PARP12: variants seen among roughly 807,000 people sequenced by gnomAD.
PARP12 encodes the protein protein mono-ADP-ribosyltransferase PARP12.
Under a neutral mutation model 72.4 loss-of-function variants are expected in PARP12, and 59 were observed. The ratio of observed to expected loss-of-function variants is 0.81; its 90% CI spans 0.66 to 1.01. The LOEUF is 1.01. Among genes scored for constraint, PARP12 ranks in the 50% least tolerant of loss-of-function variants. PARP12 has a pLI of 0.00. For missense variants in PARP12, 851 were observed against 914.0 expected, an observed-to-expected ratio of 0.93 and a Z score of 0.89; for synonymous variants, 403 against 371.4, an observed-to-expected ratio of 1.09 and a Z score of -0.98.
At chr7:140,027,247 C>T in intron 10 of PARP12, 29 bp downstream of exon 10, 1 of 1,606,532 alleles carries the variant, frequency 6.2e-7, no homozygotes. Context: ...ACAGAGTCAC[C>T]AGCCCACCAA....
chr7:140,040,253 C>T (rs765896944), intron 6 of PARP12, among the ~76,000 whole-genome samples: 4 of 152,300 alleles, frequency 2.6e-5, no homozygotes, highest in Non-Finnish European at 4.4e-5. Context: ...CTTCCCCTCA[C>T]GCTCCTGACC....
At chr7:140,046,543 T>C (rs1172606131) in intron 5 of PARP12, among the ~76,000 whole-genome samples, 1 of 152,242 alleles carries the variant, frequency 6.6e-6, no homozygotes, top group East Asian at 1.9e-4. Context: ...ATGTACATGA[T>C]CAATCCCAGC....
intron 6 of PARP12, among the ~76,000 whole-genome samples, chr7:140,039,873 CCAGA>C (rs1816384994): frequency 1.3e-5 from 2 of 151,012 alleles, no homozygotes; most frequent in South Asian, 4.2e-4. Context: ...CGGTTCATCC[CCAGA>C]CATTCTCAAA....
At chr7:140,049,963 T>C (rs1362483161) in intron 4 of PARP12, among the ~76,000 whole-genome samples, 1 of 152,052 alleles carries the variant, frequency 6.6e-6, no homozygotes, top group African/African-American at 2.4e-5. Flanking sequence ...AGAAATCAAA[T>C]CAATTTGGCA....
intron 9 of PARP12, 73 bp downstream of exon 9, chr7:140,028,540 G>A: frequency 7.6e-7 from 1 of 1,314,962 alleles, no homozygotes. Flanking sequence ...TTGAGGAATG[G>A]CACAGTCTGT....
chr7:140,059,433 T>G (rs1817352280), intron 1 of PARP12, among the ~76,000 whole-genome samples: 1 of 151,590 alleles, frequency 6.6e-6, no homozygotes. Flanking sequence ...CCTCCATTCT[T>G]TCCATCCACA....
At chr7:140,058,921 A>C (rs10155912) in intron 1 of PARP12, among the ~76,000 whole-genome samples, 72,444 of 151,556 alleles carry the variant, frequency 0.48, 19,579 homozygotes, top group African/African-American at 0.73. Flanking sequence ...CATGAAGAAA[A>C]CCTGTATCTA....
At position 140,041,833 on chromosome 7, in the gene PARP12, C is replaced by T. The variant is rs768256024; in HGVS notation, c.993G>A (p.Leu331=). Residue 331 remains leucine, a synonymous_variant, in exon 6 of 12, where the codon CTG becomes CTA. Transcript: ENST00000263549. ...AYCNPKIERI[L]CSESASTFHS... ...GAAAGGTACTGGCTGACTCAGAGCA[C>T]AGGATCCTACAGAAGAAAAACAGCA... 6 of 1,610,196 alleles carry T rather than the reference C, an allele frequency of 3.7e-6. No individual in the cohort carries two copies. In the Admixed American group the frequency reaches 8.4e-5, roughly 23 times the overall value.
chr7:140,057,152 A>C lies in PARP12; in HGVS notation c.464T>G (p.Ile155Ser), dbSNP rs751808315. ...ATCTCCTTTGTTGTAATGTTGGCAA[A>C]TCTGTTGACAGAGAGGGAAAAAACC... Reference protein sequence around the residue: ...FQNDPWLLPEICQHYNKGDGP... With the variant: ...FQNDPWLLPESCQHYNKGDGP... The change falls in exon 3 of 12, where the codon ATT (isoleucine) becomes AGT (serine). Residue 155 changes from isoleucine (I) to serine (S), a missense_variant and splice_region_variant. Transcript: ENST00000263549. 5.6e-6 allele frequency: 9 copies of C among 1,610,244 alleles called. No individual in the cohort carries two copies. The Admixed American group carries it at 1.3e-4, about 24-fold the overall frequency.
At chr7:140,025,253 G>A (rs1489243950) in intron 11 of PARP12, 2 of 301,298 alleles carry the variant, frequency 6.6e-6, no homozygotes, top group Non-Finnish European at 1.3e-5. Context: ...GGTTGGCATG[G>A]AAAATGAATG....
chr7:140,044,184 A>AG (rs1248964626), intron 5 of PARP12, among the ~76,000 whole-genome samples: 5 of 152,194 alleles, frequency 3.3e-5, no homozygotes, highest in Non-Finnish European at 5.9e-5. Context: ...ACAGCCAGAG[A>AG]GAAAAAAACA....
At position 140,040,917 on chromosome 7, in the gene PARP12, GCCA is replaced by G. The variant is rs1412905772; in HGVS notation, c.1182+724_1182+726del. Reference sequence around the variant, plus strand: ...CGAGTAGCTGGGACCACAGGCATACGCCACCACACCTGGCCAATTTTTGTATTT... The same window carrying G: ...CGAGTAGCTGGGACCACAGGCATACGCCACACCTGGCCAATTTTTGTATTT... On this transcript the variant is annotated intron_variant, in intron 6 of 11. Transcript: ENST00000263549. Among the ~76,000 whole-genome samples, 7 of 152,206 alleles carry G rather than the reference GCCA, an allele frequency of 4.6e-5. No individual in the cohort carries two copies. The East Asian group carries it at 1.2e-3, about 25-fold the overall frequency.
At position 140,037,792 on chromosome 7, in the gene PARP12, C is replaced by T. The variant is rs1816272861; in HGVS notation, c.1247G>A (p.Cys416Tyr). Reference protein sequence around the residue: ...SDVEKAYLAYCTPGSDGQAAT... With the variant: ...SDVEKAYLAYYTPGSDGQAAT... Reference sequence around the variant, plus strand: ...TGCCTGGCCGTCAGACCCCGGTGTACAGTAGGCCAGGTAGGCCTTCTCCAC... The same window carrying T: ...TGCCTGGCCGTCAGACCCCGGTGTATAGTAGGCCAGGTAGGCCTTCTCCAC... The change falls in exon 7 of 12, where the codon TGT (cysteine) becomes TAT (tyrosine). Residue 416 changes from cysteine to tyrosine, a missense_variant. By Grantham distance (194) the Cys-to-Tyr change is radical. Around this residue, in one of 3 missense-constraint regions of PARP12, gnomAD observed 347 missense variants for 396.1 expected, o/e 0.88. Coordinates refer to ENST00000263549, the MANE Select transcript of PARP12 (RefSeq NM_022750.4). The T allele has an allele frequency of 1.2e-6, 2 of 1,614,056 alleles. No homozygotes were observed. The highest frequency in any genetic ancestry group is 2.2e-5 in the East Asian group (1 of 44,902).
At chr7:140,058,920 A>T (rs1328444323) in intron 1 of PARP12, among the ~76,000 whole-genome samples, 2 of 151,858 alleles carry the variant, frequency 1.3e-5, no homozygotes, top group Non-Finnish European at 2.9e-5. Flanking sequence ...ACATGAAGAA[A>T]ACCTGTATCT....
rs368739238 is a variant in PARP12 at position 140,027,445 on chromosome 7, G to A, written c.1498-39C>T. 96 of 1,608,064 alleles carry A rather than the reference G, an allele frequency of 6.0e-5. 1 individual carries two copies. Among genetic ancestry groups the A allele is most frequent in the South Asian group, 5.5e-4 (50 of 90,710 alleles). Reference sequence around the variant, plus strand: ...ATGTTTTTAATGCATTACCATCAACGTGCAGAATATAAATCAGTCCCTTCC... The same window carrying A: ...ATGTTTTTAATGCATTACCATCAACATGCAGAATATAAATCAGTCCCTTCC... On this transcript the variant is annotated intron_variant, in intron 9 of 11. Transcript: ENST00000263549.
chr7:140,028,189 A>C (rs1006042110), intron 9 of PARP12, among the ~76,000 whole-genome samples: 1 of 152,172 alleles, frequency 6.6e-6, no homozygotes, highest in Non-Finnish European at 1.5e-5. Flanking sequence ...TTGACTGTCC[A>C]TTCTCCTGTC....
Position 140,062,046 on chromosome 7 carries a change from A to G in PARP12, c.326+476T>C, listed in dbSNP as rs181527714. Among the ~76,000 whole-genome samples, 4 of 148,668 alleles carry G rather than the reference A, an allele frequency of 2.7e-5. No individual in the cohort carries two copies. The East Asian group carries it at 7.9e-4, about 29-fold the overall frequency. On this transcript the variant is annotated intron_variant, in intron 1 of 11. Transcript: ENST00000263549. ...GGTGGGCAGGGACCAGTGCCCCAGG[A>G]CCTTGTGGGCGATGGCAGGGAGTCT...
chr7:140,036,772 G>A (rs1250365744), intron 7 of PARP12, among the ~76,000 whole-genome samples: 7 of 151,838 alleles, frequency 4.6e-5, no homozygotes, highest in South Asian at 2.1e-4. Flanking sequence ...AAGCTGGACC[G>A]ATACACTCAT....
At chr7:140,049,058 T>C (rs922919054) in intron 4 of PARP12, among the ~76,000 whole-genome samples, 17 of 152,222 alleles carry the variant, frequency 1.1e-4, no homozygotes, top group African/African-American at 4.1e-4. Context: ...TGTGCATTCT[T>C]TCAGGCACAT....
Sources: gnomAD v4.1 joint callset for allele counts (sites outside exome capture counted in the v4.1 genomes callset) on GRCh38, gnomAD v4.1.1 for gene constraint, gnomAD v4.1.1 regional missense constraint, MANE v1.5 for transcripts, NCBI Gene and HGNC (gene_info 2026-07-23, HGNC 2026-07-21) for gene names.